Variants in APBA2 observed in about 807,000 individuals in gnomAD.
APBA2 encodes the protein amyloid-beta A4 precursor protein-binding family A member 2.
In APBA2, 30 loss-of-function variants were observed where a neutral mutation model predicts 75.0. The observed-to-expected ratio is 0.40, with a 90% CI of 0.30 to 0.54. The LOEUF is 0.54. Among genes scored for constraint, APBA2 ranks in the 20% least tolerant of loss-of-function variants. The probability of loss-of-function intolerance (pLI) is 0.49; values close to 1 mark genes in which losing one functional copy is unlikely to be tolerated. For missense variants in APBA2, 801 were observed against 1,016.1 expected (o/e 0.79, Z 2.88); for synonymous variants, 444 against 409.6 (o/e 1.08, Z -1.01).
intron 3 of APBA2, among the ~76,000 whole-genome samples, chr15:29,040,958 A>G (rs1254913928): frequency 5.3e-5 from 8 of 152,332 alleles, no homozygotes; most frequent in South Asian, 2.1e-4. Flanking sequence ...TGTTATAACC[A>G]TGTTCCATGA....
chr15:29,052,695 A>G (rs1459112119), intron 3 of APBA2, among the ~76,000 whole-genome samples: 1 of 152,168 alleles, frequency 6.6e-6, no homozygotes, highest in African/African-American at 2.4e-5. Context: ...TTGCTATAAC[A>G]GAATACCTAA....
chr15:28,926,271 G>T (rs1218954710), intron 2 of APBA2, among the ~76,000 whole-genome samples: 1 of 152,042 alleles, frequency 6.6e-6, no homozygotes, highest in Non-Finnish European at 1.5e-5. Context: ...GGTTTCAATG[G>T]ACCATTTTAT....
At chr15:29,052,946 C>G (rs2041673970) in intron 3 of APBA2, among the ~76,000 whole-genome samples, 1 of 152,200 alleles carries the variant, frequency 6.6e-6, no homozygotes, top group Non-Finnish European at 1.5e-5. Context: ...TTCATGAGAG[C>G]ACAGCCCTCA....
chr15:29,087,523 T>C (rs926890767), intron 6 of APBA2, among the ~76,000 whole-genome samples: 4 of 152,190 alleles, frequency 2.6e-5, no homozygotes, highest in Non-Finnish European at 5.9e-5. Flanking sequence ...GTGTGGCCAC[T>C]CCCTGGTGAA....
intron 6 of APBA2, among the ~76,000 whole-genome samples, chr15:29,080,211 A>G (rs1487228928): frequency 6.6e-6 from 1 of 152,206 alleles, no homozygotes; most frequent in Non-Finnish European, 1.5e-5. Flanking sequence ...AACAATCACT[A>G]TATCCACAGC....
chr15:29,071,113 A>G, intron 4 of APBA2: 1 of 454,950 alleles, frequency 2.2e-6, no homozygotes, highest in Non-Finnish European at 4.4e-6. Flanking sequence ...AGTGTGCACT[A>G]GTTTGGTGTT....
rs1220171022 is a variant in APBA2, at chr15:29,033,987, AAAG to A, written c.-40-19851_-40-19849del. Among the ~76,000 whole-genome samples the A allele has an allele frequency of 2.6e-4, 39 of 148,516 alleles. No homozygotes were observed. The South Asian group carries it at 8.5e-3, about 32-fold the overall frequency. On this transcript the variant is annotated intron_variant, in intron 3 of 14. Transcript: ENST00000683413. ...CTCAAAAAAAAAAAAAAAAAAAAAA[AAAG>A]AAGAAGGGACACCTAGGGTGAAGTC...
intron 2 of APBA2, among the ~76,000 whole-genome samples, chr15:28,990,049 G>C (rs2038138901): frequency 6.6e-6 from 1 of 152,216 alleles, no homozygotes; most frequent in Admixed American, 6.5e-5. Flanking sequence ...CTGTCTACCT[G>C]ATGCTGTGGG....
chr15:29,001,943 G>T (rs1485664497), intron 3 of APBA2, among the ~76,000 whole-genome samples: 1 of 152,134 alleles, frequency 6.6e-6, no homozygotes, highest in Non-Finnish European at 1.5e-5. Context: ...AATTAATTAT[G>T]TCCAATTCTA....
At chr15:29,107,882 G>T (rs138684639) in intron 12 of APBA2, among the ~76,000 whole-genome samples, 2 of 152,156 alleles carry the variant, frequency 1.3e-5, no homozygotes, top group Non-Finnish European at 2.9e-5. Flanking sequence ...ACATCCTTCC[G>T]TAGGAAGCTG....
chr15:28,952,750 C>T (rs1260997596), intron 2 of APBA2, among the ~76,000 whole-genome samples: 1 of 152,086 alleles, frequency 6.6e-6, no homozygotes, highest in Admixed American at 6.5e-5. Context: ...GAAATGATAC[C>T]TTACTGTGTT....
At position 29,038,770 on chromosome 15, in the gene APBA2, T is replaced by G. The variant is rs187295765; in HGVS notation, c.-40-15075T>G. ...CTCGCTGCAACCTCCACCTCCTGGG[T>G]TCAAATGATTCTCTTGCCTCAGCCT... On this transcript the variant is annotated intron_variant, in intron 3 of 14. Transcript: ENST00000683413. 1.8e-3 allele frequency among the ~76,000 whole-genome samples: 263 copies of G among 149,036 alleles called. 3 individuals are homozygous for G. The highest frequency in any genetic ancestry group is 3.5e-3 in the Middle Eastern group (1 of 282).
At chr15:28,941,408 G>A (rs1313025374) in intron 2 of APBA2, among the ~76,000 whole-genome samples, 10 of 149,762 alleles carry the variant, frequency 6.7e-5, no homozygotes, top group African/African-American at 2.2e-4. Context: ...GACAGAGGAC[G>A]ATGTTTGGCT....
At chr15:28,984,886 GC>G (rs1029356157) in intron 2 of APBA2, among the ~76,000 whole-genome samples, 4 of 141,992 alleles carry the variant, frequency 2.8e-5, no homozygotes, top group Middle Eastern at 3.9e-3. Context: ...TCCCCCCACT[GC>G]CATCTCTGGG....
chr15:29,019,440 CAG>C (rs1420148586), intron 3 of APBA2, among the ~76,000 whole-genome samples: 27 of 152,336 alleles, frequency 1.8e-4, no homozygotes, highest in African/African-American at 2.6e-4. Flanking sequence ...AGAGATAAAG[CAG>C]AGTTCTCCCT....
intron 1 of APBA2, among the ~76,000 whole-genome samples, chr15:28,905,420 A>G (rs2033084060): frequency 6.6e-6 from 1 of 152,226 alleles, no homozygotes; most frequent in Non-Finnish European, 1.5e-5. Context: ...GGTGAATTTT[A>G]AAGTGCTTGT....
rs564099204 is a variant in APBA2 at position 29,117,683 on chromosome 15, A to ATTGATTGATTGT, written c.*553_*554insATTGATTGTTTG. 723 of 160,670 alleles carry ATTGATTGATTGT rather than the reference A, an allele frequency of 4.5e-3. 2 individuals are homozygous for ATTGATTGATTGT. The highest frequency in any genetic ancestry group is 7.5e-3 in the Non-Finnish European group (546 of 72,904). The allele number at this position is 160,670 out of a possible 1,614,324, so 10.0% of individuals were successfully genotyped here. A position where few individuals can be genotyped will look rare whatever the true frequency, so the allele number is the denominator to read the frequency against. Reference sequence around the variant, plus strand: ...TTGGGGACATGTGATTGATTGATTGATTGTAAATAAAGGATGATGGCCACA... The same window carrying ATTGATTGATTGT: ...TTGGGGACATGTGATTGATTGATTGATTGATTGATTGTTTGTAAATAAAGGATGATGGCCACA... On this transcript the variant is annotated 3_prime_UTR_variant, in exon 15 of 15. Transcript: ENST00000683413.
intron 4 of APBA2, among the ~76,000 whole-genome samples, chr15:29,068,599 C>T (rs762075791): frequency 2.0e-5 from 3 of 152,196 alleles, no homozygotes; most frequent in Non-Finnish European, 4.4e-5. Context: ...CAGAATGGCA[C>T]CTGGTATGTG....
chr15:28,908,791 C>T (rs1431592952), intron 1 of APBA2, among the ~76,000 whole-genome samples: 1 of 152,100 alleles, frequency 6.6e-6, no homozygotes, highest in Non-Finnish European at 1.5e-5. Context: ...ATAAATAACA[C>T]ATAACATGAC....
Sources: gnomAD v4.1 joint callset for allele counts (sites outside exome capture counted in the v4.1 genomes callset) on GRCh38, gnomAD v4.1.1 for gene constraint, MANE v1.5 for transcripts, NCBI Gene and HGNC (gene_info 2026-07-23, HGNC 2026-07-21) for gene names.